TGM4: variants seen among roughly 807,000 people sequenced by gnomAD.
The protein encoded by TGM4 is transglutaminase 4.
TGM4 carries 61 observed loss-of-function variants against 76.3 expected under a neutral mutation model. The observed-to-expected ratio is 0.80, with a 90% CI of 0.65 to 0.99. The LOEUF is 0.99. Ranked by LOEUF, TGM4 falls within the 50% of genes least tolerant of loss-of-function variation. The pLI, the probability that TGM4 is intolerant of heterozygous loss-of-function variation, is 0.00. For synonymous variants in TGM4, 337 were observed against 329.8 expected (o/e 1.02, Z -0.24); for missense variants, 794 against 843.2 (o/e 0.94, Z 0.72).
chr3:44,913,449 G>GC, intron 13 of TGM4, 135 bp from the exon 14 acceptor site: 1 of 1,104,150 alleles, frequency 9.1e-7, no homozygotes. Context: ...ACTGTGCCAT[G>GC]CCCTGGAATG....
At chr3:44,908,374 G>GC (rs545243251) in intron 10 of TGM4, among the ~76,000 whole-genome samples, 1 of 149,862 alleles carries the variant, frequency 6.7e-6, no homozygotes, top group African/African-American at 2.5e-5. Context: ...GGTCAGGAGT[G>GC]TTTTTTTTTG....
chr3:44,880,027 G>A (rs781716701), intron 1 of TGM4, among the ~76,000 whole-genome samples: 26 of 151,812 alleles, frequency 1.7e-4, no homozygotes, highest in Non-Finnish European at 2.9e-4. Flanking sequence ...TTGAACTCCT[G>A]GGCTCAAGGG....
chr3:44,874,782 T>C (rs1418495400), intron 1 of TGM4, 85 bp downstream of exon 1: 10 of 1,544,388 alleles, frequency 6.5e-6, no homozygotes, highest in Non-Finnish European at 8.0e-6. Flanking sequence ...GCCGGGTGCC[T>C]GGGGCCATTG....
At chr3:44,885,874 TATC>T (rs1450237181) in intron 2 of TGM4, among the ~76,000 whole-genome samples, 1 of 152,204 alleles carries the variant, frequency 6.6e-6, no homozygotes, top group African/African-American at 2.4e-5. Context: ...ATGATTAAAA[TATC>T]ATATTTTGGT....
Position 44,897,321 on chromosome 3 carries a change from T to C in TGM4, c.657+505T>C, listed in dbSNP as rs557933011. ...GCCCGGCTTTCAAGTCAGACCTGAGTCTGAACTCCAGCCCTGCCACTTATG... is the reference window on the plus strand; with the variant it reads ...GCCCGGCTTTCAAGTCAGACCTGAGCCTGAACTCCAGCCCTGCCACTTATG... On this transcript the variant is annotated intron_variant, in intron 6 of 13. Transcript: ENST00000296125. Among the ~76,000 whole-genome samples the C allele has an allele frequency of 6.4e-4, 98 of 152,268 alleles. 1 individual carries two copies. Among genetic ancestry groups the C allele is most frequent in the African/African-American group, 2.2e-3 (92 of 41,572 alleles).
In TGM4 at chr3:44,879,257, CTCTCTCTCTATATATA is replaced by C. The variant is rs747245650; in HGVS notation, c.19+4562_19+4577del. 9.3e-3 allele frequency among the ~76,000 whole-genome samples: 936 copies of C among 100,468 alleles called. 6 individuals carry two copies. The highest frequency in any genetic ancestry group is 0.038 in the Middle Eastern group (8 of 212). 65.9% of individuals were successfully genotyped at this position (100,468 alleles called of 152,430 possible). A position where few individuals can be genotyped will look rare whatever the true frequency, so the allele number is the denominator to read the frequency against. On this transcript the variant is annotated intron_variant, in intron 1 of 13. Transcript: ENST00000296125. ...TTATGGTCTCTCTCTCTCTCTCTCTCTCTCTCTCTATATATATATATATATATATAGTTTATTTAAT... is the reference window on the plus strand; with the variant it reads ...TTATGGTCTCTCTCTCTCTCTCTCTCTATATATATATATAGTTTATTTAAT...
chr3:44,888,630 C>A (rs558791030), intron 3 of TGM4: 1 of 152,294 alleles, frequency 6.6e-6, no homozygotes, highest in South Asian at 2.1e-4. Flanking sequence ...GCAGGAGCTG[C>A]ATTTCTTTAC....
chr3:44,897,694 T>C (rs1318182906), intron 6 of TGM4, among the ~76,000 whole-genome samples: 1 of 152,250 alleles, frequency 6.6e-6, no homozygotes, highest in African/African-American at 2.4e-5. Flanking sequence ...ATATGGTTTA[T>C]ATTTACCAAT....
chr3:44,911,223 C>T lies in TGM4; in HGVS notation c.1777-47C>T, dbSNP rs1700001294. ...AAGAACCCTGAGGGTCCTTGGTTGG[C>T]TCATGCATATCTTCTCTCCCCATCT... On this transcript the variant is annotated intron_variant, in intron 12 of 13. Transcript: ENST00000296125. 1.9e-6 allele frequency: 3 copies of T among 1,611,796 alleles called. No homozygotes were observed. In the South Asian group the frequency reaches 3.3e-5, roughly 18 times the overall value.
chr3:44,894,889 C>T (rs945842403), intron 5 of TGM4, among the ~76,000 whole-genome samples: 3 of 152,030 alleles, frequency 2.0e-5, no homozygotes, highest in South Asian at 2.1e-4. Flanking sequence ...CACATGAGGA[C>T]CAGAGGGAAA....
At chr3:44,888,934 G>A (rs1451700966) in intron 3 of TGM4, 2 of 151,964 alleles carry the variant, frequency 1.3e-5, no homozygotes, top group African/African-American at 4.8e-5. Flanking sequence ...CACCTCTTGG[G>A]CTACCTCTGT....
At chr3:44,891,798 C>A (rs370427723) in intron 4 of TGM4, among the ~76,000 whole-genome samples, 1 of 151,270 alleles carries the variant, frequency 6.6e-6, no homozygotes, top group Admixed American at 6.6e-5. Flanking sequence ...CACGGTGAAA[C>A]CCCATCTCTA....
intron 11 of TGM4, 56 bp from the exon 12 acceptor site, chr3:44,910,902 T>C (rs1699994695): frequency 3.2e-6 from 5 of 1,575,684 alleles, no homozygotes; most frequent in Non-Finnish European, 4.3e-6. Flanking sequence ...TGAGGAGAAC[T>C]CATACTGGGG....
chr3:44,888,162 G>A (rs1420337086), intron 3 of TGM4: 3 of 224,364 alleles, frequency 1.3e-5, no homozygotes, highest in African/African-American at 2.3e-5. Flanking sequence ...TACAAAATGG[G>A]GGTCCATCTC....
At chr3:44,902,049 A>C (rs1699862455) in intron 8 of TGM4, 118 bp downstream of exon 8, 2 of 1,255,322 alleles carry the variant, frequency 1.6e-6, no homozygotes, top group Non-Finnish European at 2.2e-6. Context: ...GGTGTCAAGC[A>C]GTCCTCCTGC....
At chr3:44,888,174 T>G in intron 3 of TGM4, 1 of 218,362 alleles carries the variant, frequency 4.6e-6, no homozygotes, top group Non-Finnish European at 9.2e-6. Flanking sequence ...GTCCATCTCA[T>G]GCTTCACTCA....
At chr3:44,888,218 G>A (rs895714730) in intron 3 of TGM4, 2 of 183,834 alleles carry the variant, frequency 1.1e-5, no homozygotes, top group Admixed American at 5.4e-5. Flanking sequence ...TTCCACAGTG[G>A]CTTCTGCCCG....
intron 5 of TGM4, among the ~76,000 whole-genome samples, chr3:44,894,082 A>C (rs1575718831): frequency 3.5e-5 from 1 of 28,538 alleles, no homozygotes; most frequent in Non-Finnish European, 6.2e-5. Flanking sequence ...GCCCTCTCCC[A>C]CCTCCCATGG....
intron 1 of TGM4, among the ~76,000 whole-genome samples, chr3:44,877,278 C>G (rs1456555462): frequency 6.6e-6 from 1 of 152,092 alleles, no homozygotes; most frequent in Non-Finnish European, 1.5e-5. Flanking sequence ...GAAACCCCGT[C>G]TCTACTAAAA....
Sources: gnomAD v4.1 joint callset for allele counts (sites outside exome capture counted in the v4.1 genomes callset) on GRCh38, gnomAD v4.1.1 for gene constraint, MANE v1.5 for transcripts, NCBI Gene and HGNC (gene_info 2026-07-23, HGNC 2026-07-21) for gene names.